The following ACMSD variants were observed in gnomAD, a reference collection of about 807,000 sequenced individuals.
The protein encoded by ACMSD is aminocarboxymuconate semialdehyde decarboxylase.
ACMSD carries 37 observed loss-of-function variants against 45.9 expected under a neutral mutation model. The ratio of observed to expected loss-of-function variants is 0.81; its 90% CI spans 0.62 to 1.06. The LOEUF (loss-of-function observed/expected upper bound fraction) is 1.06, where lower values mean the gene tolerates loss of function less well. ACMSD is among the 50% of genes least tolerant of loss of function. The pLI is 0.00. For missense variants in ACMSD, 434 were observed against 420.9 expected, an observed-to-expected ratio of 1.03 and a Z score of -0.27; for synonymous variants, 138 against 148.8, an observed-to-expected ratio of 0.93 and a Z score of 0.53.
At chr2:134,898,316 G>T in intron 8 of ACMSD, 25 bp from the exon 9 acceptor site, 1 of 1,474,822 alleles carries the variant, frequency 6.8e-7, no homozygotes, top group South Asian at 1.3e-5. Flanking sequence ...CAAAACAACA[G>T]AGAAATATAT....
At chr2:134,857,295 G>A (rs570041904) in intron 2 of ACMSD, among the ~76,000 whole-genome samples, 71 of 152,122 alleles carry the variant, frequency 4.7e-4, no homozygotes, top group African/African-American at 1.6e-3. Flanking sequence ...AAAATTAGCC[G>A]GGCGTGGTGG....
At chr2:134,885,236 G>A (rs1460973971) in intron 8 of ACMSD, among the ~76,000 whole-genome samples, 69 of 114,164 alleles carry the variant, frequency 6.0e-4, no homozygotes, top group African/African-American at 2.2e-3. Flanking sequence ...TAATACATAT[G>A]TAAATATATA....
intron 8 of ACMSD, among the ~76,000 whole-genome samples, chr2:134,894,250 A>G (rs1445239021): frequency 6.6e-6 from 1 of 152,116 alleles, no homozygotes; most frequent in Non-Finnish European, 1.5e-5. Context: ...TAAAGAAAAA[A>G]GATTCAAATT....
intron 7 of ACMSD, 69 bp downstream of exon 7, chr2:134,871,129 GA>G (rs1365189231): frequency 7.4e-7 from 1 of 1,342,650 alleles, no homozygotes; most frequent in African/African-American, 1.4e-5. Context: ...GTGACTGTAA[GA>G]AAACAGAAAT....
chr2:134,861,235 T>C (rs1462503033), intron 3 of ACMSD, among the ~76,000 whole-genome samples: 1 of 152,122 alleles, frequency 6.6e-6, no homozygotes, highest in Non-Finnish European at 1.5e-5. Context: ...AATGTGAAGC[T>C]GCAGCAAGGA....
chr2:134,847,522 CAT>C (rs2104820316), intron 2 of ACMSD, among the ~76,000 whole-genome samples: 1 of 152,230 alleles, frequency 6.6e-6, no homozygotes, highest in East Asian at 1.9e-4. Context: ...AGATTTGTTA[CAT>C]AGGTATACAA....
chr2:134,882,766 T>C (rs1486094885), intron 8 of ACMSD, among the ~76,000 whole-genome samples: 1 of 152,202 alleles, frequency 6.6e-6, no homozygotes, highest in East Asian at 1.9e-4. Context: ...AAGTGTTCCT[T>C]TTCCAGAAGA....
chr2:134,901,630 G>A (rs908735778), intron 9 of ACMSD, among the ~76,000 whole-genome samples, 168 bp from the exon 10 acceptor site: 7 of 152,068 alleles, frequency 4.6e-5, no homozygotes, highest in South Asian at 2.1e-4. Context: ...TTCAAACAGC[G>A]GGGCAAAACA....
At position 134,863,650 on chromosome 2, in the gene ACMSD, C is replaced by T; in HGVS notation, c.486+19C>T. 1.2e-6 allele frequency: 2 copies of T among 1,611,070 alleles called. No individual in the cohort carries two copies. Among genetic ancestry groups the T allele is most frequent in the East Asian group, 4.5e-5 (2 of 44,842 alleles). Reference sequence around the variant, plus strand: ...CTATGCGGTGAGTAGCGGGGCTGCTCAGCCAACGCCAGCCGCCCAGTGCCT... The same window carrying T: ...CTATGCGGTGAGTAGCGGGGCTGCTTAGCCAACGCCAGCCGCCCAGTGCCT... On this transcript the variant is annotated intron_variant, in intron 5 of 9. Coordinates refer to ENST00000356140, the MANE Select transcript of ACMSD (RefSeq NM_138326.3).
chr2:134,862,149 G>C (rs980926662), intron 4 of ACMSD, 131 bp downstream of exon 4: 1 of 940,946 alleles, frequency 1.1e-6, no homozygotes, highest in Non-Finnish European at 1.8e-6. Context: ...CCCCTTTAGC[G>C]ATCAGCAGGG....
intron 8 of ACMSD, among the ~76,000 whole-genome samples, chr2:134,884,673 A>G (rs2104923899): frequency 6.6e-6 from 1 of 152,322 alleles, no homozygotes; most frequent in Admixed American, 6.5e-5. Context: ...CTTTAGGACT[A>G]TTATCAGCAG....
intron 1 of ACMSD, 125 bp from the exon 2 acceptor site, chr2:134,845,108 G>A: frequency 3.4e-6 from 3 of 886,358 alleles, no homozygotes; most frequent in Non-Finnish European, 5.7e-6. Context: ...GCGATACATG[G>A]GTATGGGGGA....
At chr2:134,843,163 C>A (rs1008086315) in intron 1 of ACMSD, among the ~76,000 whole-genome samples, 2 of 152,134 alleles carry the variant, frequency 1.3e-5, no homozygotes, top group African/African-American at 4.8e-5. Flanking sequence ...CTCTTGGCAG[C>A]TTTTTCCAGG....
chr2:134,859,138 C>T (rs1277116888), intron 2 of ACMSD, 123 bp from the exon 3 acceptor site: 1 of 793,678 alleles, frequency 1.3e-6, no homozygotes, highest in Non-Finnish European at 2.0e-6. Flanking sequence ...ATTTCTACTT[C>T]CACAAGGATT....
At chr2:134,886,347 C>T (rs1221334137) in intron 8 of ACMSD, among the ~76,000 whole-genome samples, 1 of 148,904 alleles carries the variant, frequency 6.7e-6, no homozygotes, top group Non-Finnish European at 1.5e-5. Flanking sequence ...CTCCCGGGTT[C>T]ACGCCATTCT....
intron 2 of ACMSD, among the ~76,000 whole-genome samples, chr2:134,846,877 A>G (rs1687076644): frequency 1.3e-5 from 2 of 152,222 alleles, no homozygotes; most frequent in East Asian, 1.9e-4. Flanking sequence ...TGGAATATAA[A>G]GCAGCGATGT....
intron 2 of ACMSD, among the ~76,000 whole-genome samples, chr2:134,846,517 C>A (rs942684322): frequency 6.6e-6 from 1 of 152,204 alleles, no homozygotes; most frequent in African/African-American, 2.4e-5. Context: ...GATCCTCCCA[C>A]CTCAGCTTCC....
chr2:134,848,330 T>C (rs1484696833), intron 2 of ACMSD, among the ~76,000 whole-genome samples: 1 of 152,228 alleles, frequency 6.6e-6, no homozygotes. Flanking sequence ...GTATTTCTGG[T>C]TCTAGATCCT....
At chr2:134,900,545 CAACTT>C (rs892068694) in intron 9 of ACMSD, among the ~76,000 whole-genome samples, 26 of 152,258 alleles carry the variant, frequency 1.7e-4, no homozygotes, top group African/African-American at 6.3e-4. Context: ...TGAAAGTTCT[CAACTT>C]AATAAGGAAA....
Sources: allele counts gnomAD v4.1 joint callset (sites outside exome capture counted in the v4.1 genomes callset), GRCh38; gene constraint gnomAD v4.1.1; transcripts MANE v1.5; gene names NCBI Gene and HGNC (gene_info 2026-07-23, HGNC 2026-07-21).